The following KDM4B variants were observed in gnomAD, a reference collection of about 807,000 sequenced individuals.
The protein encoded by KDM4B is lysine-specific demethylase 4B.
KDM4B carries 32 observed loss-of-function variants against 125.2 expected under a neutral mutation model. The observed-to-expected ratio is 0.26, with a 90% CI of 0.19 to 0.34. The LOEUF is 0.34. Ranked by LOEUF, KDM4B falls within the 10% of genes least tolerant of loss-of-function variation. The probability of loss-of-function intolerance (pLI) is 1.00; values close to 1 mark genes in which losing one functional copy is unlikely to be tolerated. For synonymous variants in KDM4B, 721 were observed against 677.9 expected (o/e 1.06, Z -0.99); for missense variants, 1,190 against 1,577.7 (o/e 0.75, Z 4.16).
intron 6 of KDM4B, among the ~76,000 whole-genome samples, chr19:5,050,273 G>A (rs760167490): frequency 6.6e-6 from 1 of 152,244 alleles, no homozygotes; most frequent in Non-Finnish European, 1.5e-5. Flanking sequence ...TCAATAACAG[G>A]CAGAAACATG....
chr19:4,981,307 G>A (rs1440712374), intron 1 of KDM4B, among the ~76,000 whole-genome samples: 12 of 151,978 alleles, frequency 7.9e-5, no homozygotes, highest in Non-Finnish European at 1.3e-4. Flanking sequence ...CGGCTGTCCT[G>A]TCCCCCTCGT....
chr19:5,034,649 C>G (rs998259672), intron 3 of KDM4B, among the ~76,000 whole-genome samples: 1 of 152,146 alleles, frequency 6.6e-6, no homozygotes, highest in East Asian at 1.9e-4. Flanking sequence ...CTTTCCGGGC[C>G]GCCTCCACCC....
chr19:5,020,199 G>A (rs2036066564), intron 2 of KDM4B, among the ~76,000 whole-genome samples: 1 of 150,862 alleles, frequency 6.6e-6, no homozygotes, highest in Non-Finnish European at 1.5e-5. Context: ...AGGTGTTGGT[G>A]TGGATATTGG....
At chr19:5,086,130 G>A (rs1442329622) in intron 9 of KDM4B, among the ~76,000 whole-genome samples, 1 of 152,070 alleles carries the variant, frequency 6.6e-6, no homozygotes, top group East Asian at 1.9e-4. Flanking sequence ...CCACCCCCTC[G>A]ATTTGCTTAG....
At chr19:5,032,617 G>C (rs541641945) in intron 2 of KDM4B, among the ~76,000 whole-genome samples, 1 of 152,054 alleles carries the variant, frequency 6.6e-6, no homozygotes, top group South Asian at 2.1e-4. Flanking sequence ...TCCCGGTGTC[G>C]CCTCGGCCTT....
At chr19:5,110,561 G>T in intron 9 of KDM4B, 61 bp from the exon 10 acceptor site, 4 of 1,558,616 alleles carry the variant, frequency 2.6e-6, no homozygotes, top group Non-Finnish European at 3.5e-6. Flanking sequence ...TCTGGGGTGG[G>T]GTGTGTGGAG....
chr19:4,996,037 C>G (rs557831368), intron 1 of KDM4B, among the ~76,000 whole-genome samples: 17 of 152,354 alleles, frequency 1.1e-4, no homozygotes, highest in African/African-American at 3.6e-4. Flanking sequence ...GTCGCCCAGG[C>G]TGGCCTGCAG....
intron 19 of KDM4B, 42 bp downstream of exon 19, chr19:5,144,194 C>T (rs762455520): frequency 1.9e-5 from 30 of 1,585,172 alleles, no homozygotes; most frequent in African/African-American, 1.5e-4. Context: ...CCCTGGCTCC[C>T]GCCCCCACCG....
At chr19:5,102,426 T>A (rs188222037) in intron 9 of KDM4B, among the ~76,000 whole-genome samples, 1 of 151,872 alleles carries the variant, frequency 6.6e-6, no homozygotes, top group Admixed American at 6.5e-5. Flanking sequence ...CTTCTAGGGG[T>A]CCTCCCTTGA....
chr19:4,984,217 A>G (rs57266230), intron 1 of KDM4B, among the ~76,000 whole-genome samples: 12,596 of 152,216 alleles, frequency 0.083, 1,604 homozygotes, highest in African/African-American at 0.27. Flanking sequence ...GGCGCTGGCC[A>G]GGTTGGGCCC....
Position 5,144,017 on chromosome 19 carries a change from C to T in KDM4B, c.2601C>T (p.Ile867=), listed in dbSNP as rs755114437. 1 of 1,594,810 alleles carries T rather than the reference C, an allele frequency of 6.3e-7. No homozygotes were observed. The highest frequency in any genetic ancestry group is 1.1e-5 in the South Asian group (1 of 90,740). ...TGAAGAAGGTGTCAGGTGCCTGTAT[C>T]CAGTGCTCCTACGAGCACTGCTCCA... ...KRMKKVSGAC[I]QCSYEHCSTS... The change falls in exon 19 of 23, where the codon ATC becomes ATT. Residue 867 remains isoleucine, a synonymous_variant. Transcript: ENST00000159111.
intron 1 of KDM4B, among the ~76,000 whole-genome samples, chr19:5,014,919 C>T (rs560639574): frequency 9.2e-5 from 14 of 151,382 alleles, no homozygotes; most frequent in East Asian, 2.0e-4. Flanking sequence ...TGCTTGAACC[C>T]GGCAGGCGGA....
At chr19:4,981,083 C>T (rs2034624682) in intron 1 of KDM4B, among the ~76,000 whole-genome samples, 1 of 152,052 alleles carries the variant, frequency 6.6e-6, no homozygotes, top group South Asian at 2.1e-4. Context: ...AGTGGCGAGT[C>T]CGCGCCACGG....
intron 13 of KDM4B, among the ~76,000 whole-genome samples, chr19:5,132,434 C>G (rs890146812): frequency 2.0e-5 from 3 of 152,194 alleles, no homozygotes; most frequent in Non-Finnish European, 4.4e-5. Context: ...GTGCAGAAGT[C>G]CTGCTAAGCC....
intron 10 of KDM4B, among the ~76,000 whole-genome samples, chr19:5,118,223 C>T (rs2039294137): frequency 6.6e-6 from 1 of 152,188 alleles, no homozygotes. Context: ...GCCACAGGGA[C>T]CCCCGTGGGA....
At chr19:5,055,269 C>T (rs181311111) in intron 6 of KDM4B, among the ~76,000 whole-genome samples, 67 of 152,384 alleles carry the variant, frequency 4.4e-4, no homozygotes, top group African/African-American at 1.2e-3. Flanking sequence ...GGGCTCCCAC[C>T]GTACCTGTCA....
At chr19:5,121,492 G>A (rs554510315) in intron 11 of KDM4B, among the ~76,000 whole-genome samples, 10 of 152,228 alleles carry the variant, frequency 6.6e-5, no homozygotes, top group Admixed American at 4.6e-4. Flanking sequence ...GGGATCGAGC[G>A]GAGCTGCCAG....
chr19:5,090,040 T>C (rs924629409), intron 9 of KDM4B, among the ~76,000 whole-genome samples: 1 of 152,122 alleles, frequency 6.6e-6, no homozygotes, highest in Admixed American at 6.5e-5. Context: ...ACACAAAAAC[T>C]GTGAAGACCC....
chr19:5,039,752 T>C, intron 3 of KDM4B, 84 bp from the exon 4 acceptor site: 1 of 1,460,586 alleles, frequency 6.8e-7, no homozygotes, highest in Non-Finnish European at 9.3e-7. Flanking sequence ...GGTGCTGGTC[T>C]CTGGGGAGCC....
Sources: allele counts gnomAD v4.1 joint callset (sites outside exome capture counted in the v4.1 genomes callset), GRCh38; gene constraint gnomAD v4.1.1; transcripts MANE v1.5; gene names NCBI Gene and HGNC (gene_info 2026-07-23, HGNC 2026-07-21).